THSD4: variants seen among roughly 807,000 people sequenced by gnomAD.
THSD4 encodes thrombospondin type-1 domain-containing protein 4.
Under a neutral mutation model 119.0 loss-of-function variants are expected in THSD4, and 69 were observed. That is an observed-to-expected ratio of 0.58 (90% CI 0.48 to 0.71). The LOEUF (loss-of-function observed/expected upper bound fraction) is 0.71. THSD4 is among the 30% of genes least tolerant of loss of function. The pLI is 0.00. For synonymous variants in THSD4, 524 were observed against 540.4 expected (o/e 0.97, Z 0.42); for missense variants, 1,393 against 1,391.1 (o/e 1.00, Z -0.02).
chr15:71,464,910 C>T (rs2047479234), intron 7 of THSD4, among the ~76,000 whole-genome samples: 1 of 152,172 alleles, frequency 6.6e-6, no homozygotes, highest in African/African-American at 2.4e-5. Context: ...CCTCAATTCC[C>T]TACTTAGGAA....
chr15:71,653,118 C>T (rs376879111), intron 7 of THSD4, among the ~76,000 whole-genome samples: 19 of 152,284 alleles, frequency 1.2e-4, no homozygotes, highest in African/African-American at 4.1e-4. Context: ...ATTCAACAAA[C>T]GCTTATTAAA....
At chr15:71,621,081 CA>C (rs1567066599) in intron 7 of THSD4, among the ~76,000 whole-genome samples, 1 of 152,104 alleles carries the variant, frequency 6.6e-6, no homozygotes, top group Non-Finnish European at 1.5e-5. Context: ...ATTATACACC[CA>C]AAGTACCATG....
chr15:71,520,408 T>C (rs1389635304), intron 7 of THSD4, among the ~76,000 whole-genome samples: 4 of 152,152 alleles, frequency 2.6e-5, no homozygotes, highest in Admixed American at 2.0e-4. Context: ...GAGTGACTGC[T>C]CTTTCTTGAA....
In THSD4 at chr15:71,102,709, T is replaced by C. The variant is rs535047585; in HGVS notation, c.-80+5703T>C. On this transcript the variant is annotated intron_variant, in intron 1 of 17. Coordinates refer to the THSD4 transcript ENST00000355327. ...CCTCCTGAATAGCTGGGATTACAGATGCCTGCCACCATGCCCAGCTAATTT... is the reference window on the plus strand; with the variant it reads ...CCTCCTGAATAGCTGGGATTACAGACGCCTGCCACCATGCCCAGCTAATTT... Among the ~76,000 whole-genome samples, 14 of 152,232 alleles carry C rather than the reference T, an allele frequency of 9.2e-5. No homozygotes were observed. The South Asian group carries it at 2.5e-3, about 27-fold the overall frequency.
chr15:71,711,722 G>T (rs1261323997), intron 8 of THSD4, among the ~76,000 whole-genome samples: 1 of 151,894 alleles, frequency 6.6e-6, no homozygotes, highest in Non-Finnish European at 1.5e-5. Context: ...AAGATATTTC[G>T]GGGAAATACT....
chr15:71,633,269 CTTTTTTTTTTTT>C (rs67682951), intron 7 of THSD4, among the ~76,000 whole-genome samples: 3 of 63,162 alleles, frequency 4.7e-5, no homozygotes, highest in Non-Finnish European at 5.9e-5. Context: ...TTCTTTCTTT[CTTTTTTTTTTTT>C]TTTTTTTTTT....
intron 6 of THSD4, among the ~76,000 whole-genome samples, chr15:71,301,921 G>T (rs1349000327): frequency 6.6e-6 from 1 of 152,162 alleles, no homozygotes; most frequent in Non-Finnish European, 1.5e-5. Context: ...GAGCCCTTTA[G>T]TGTGGGGGGC....
intron 8 of THSD4, among the ~76,000 whole-genome samples, chr15:71,669,514 T>G (rs2051480536): frequency 6.6e-6 from 1 of 152,162 alleles, no homozygotes; most frequent in Non-Finnish European, 1.5e-5. Context: ...TTTTTGTGGC[T>G]GTTGGTTTTC....
intron 5 of THSD4, 77 bp downstream of exon 5, chr15:71,243,173 A>G: frequency 7.0e-7 from 1 of 1,437,926 alleles, no homozygotes; most frequent in South Asian, 1.4e-5. Flanking sequence ...AAGCATGATG[A>G]AGACAGCAAG....
intron 6 of THSD4, among the ~76,000 whole-genome samples, chr15:71,358,748 A>G (rs992530632): frequency 6.6e-6 from 1 of 152,218 alleles, no homozygotes; most frequent in Non-Finnish European, 1.5e-5. Context: ...CACCGCTGTC[A>G]TCATCATCTT....
chr15:71,461,208 A>G (rs1055026484), intron 7 of THSD4, among the ~76,000 whole-genome samples: 1 of 152,182 alleles, frequency 6.6e-6, no homozygotes, highest in African/African-American at 2.4e-5. Context: ...TCATGTGCCT[A>G]GTTAATTGGT....
Position 71,294,415 on chromosome 15 carries a change from C to T in THSD4, c.1015+37700C>T, listed in dbSNP as rs369497591. On this transcript the variant is annotated intron_variant, in intron 6 of 17. Transcript: ENST00000261862. ...AGTTGGACGGGTCCCTTCTTACCTT[C>T]GCCCTCTGCCATGTTGACATTCTTA... 9.8e-5 allele frequency among the ~76,000 whole-genome samples: 15 copies of T among 152,296 alleles called. No individual in the cohort carries two copies. The South Asian group carries it at 2.7e-3, about 27-fold the overall frequency.
At position 71,099,735 on chromosome 15, in the gene THSD4, G is replaced by T. The variant is rs566763948; in HGVS notation, c.-80+2729G>T. Among the ~76,000 whole-genome samples, 28 of 152,094 alleles carry T rather than the reference G, an allele frequency of 1.8e-4. No homozygotes were observed. The Middle Eastern group carries it at 0.014, about 74-fold the overall frequency. ...ACCCCAGCACTTTGGGAGGCCAAGG[G>T]GGGCAGATCGCTTGAACCCAGGGAT... On this transcript the variant is annotated intron_variant, in intron 1 of 17. Transcript: ENST00000355327.
intron 6 of THSD4, among the ~76,000 whole-genome samples, chr15:71,409,829 A>T (rs1404909102): frequency 2.0e-5 from 3 of 152,126 alleles, no homozygotes; most frequent in Non-Finnish European, 4.4e-5. Flanking sequence ...TGATTTTTAG[A>T]CAGCCTGTTC....
At chr15:71,551,505 C>T (rs2048927534) in intron 7 of THSD4, among the ~76,000 whole-genome samples, 1 of 152,132 alleles carries the variant, frequency 6.6e-6, no homozygotes, top group South Asian at 2.1e-4. Context: ...CCCTAAGATT[C>T]AATTATCTGT....
chr15:71,584,390 T>A (rs2049622883), intron 7 of THSD4, among the ~76,000 whole-genome samples: 1 of 149,738 alleles, frequency 6.7e-6, no homozygotes, highest in Non-Finnish European at 1.5e-5. Context: ...TGCCTCAGCC[T>A]CCTAAGTAGC....
intron 7 of THSD4, among the ~76,000 whole-genome samples, chr15:71,645,986 A>T (rs983962234): frequency 6.6e-6 from 1 of 152,190 alleles, no homozygotes; most frequent in African/African-American, 2.4e-5. Context: ...ACTTGCTGGC[A>T]TCTGCTATTC....
chr15:71,555,462 G>A (rs532615708), intron 7 of THSD4, among the ~76,000 whole-genome samples: 1 of 152,252 alleles, frequency 6.6e-6, no homozygotes, highest in Admixed American at 6.5e-5. Context: ...TCTGTGAAAT[G>A]CCTGTTTGTA....
chr15:71,735,977 T>G (rs1432355893), intron 10 of THSD4, among the ~76,000 whole-genome samples: 5 of 151,326 alleles, frequency 3.3e-5, no homozygotes, highest in Non-Finnish European at 7.4e-5. Flanking sequence ...TCTCTCTTGC[T>G]CTCTGTCTCT....
Sources: allele counts gnomAD v4.1 joint callset (sites outside exome capture counted in the v4.1 genomes callset), GRCh38; gene constraint gnomAD v4.1.1; transcripts MANE v1.5; gene names NCBI Gene and HGNC (gene_info 2026-07-23, HGNC 2026-07-21).